Variants in SLCO3A1 observed in about 807,000 individuals in gnomAD.
SLCO3A1 encodes the protein solute carrier organic anion transporter family member 3A1.
A neutral mutation model predicts 63.1 loss-of-function variants in SLCO3A1; 27 were observed. The observed-to-expected ratio is 0.43, with a 90% CI of 0.32 to 0.59. The LOEUF is 0.59. SLCO3A1 is among the 20% of genes least tolerant of loss of function. The pLI is 0.09. For synonymous variants in SLCO3A1, 473 were observed against 409.9 expected, an observed-to-expected ratio of 1.15 and a Z score of -1.86; for missense variants, 773 against 945.8, an observed-to-expected ratio of 0.82 and a Z score of 2.40.
chr15:92,095,090 G>T, intron 3 of SLCO3A1, 111 bp downstream of exon 3: 1 of 590,078 alleles, frequency 1.7e-6, no homozygotes. Context: ...CAGTCTTGAT[G>T]CCCCTGCCTC....
At chr15:92,045,761 G>A (rs2387404) in intron 2 of SLCO3A1, among the ~76,000 whole-genome samples, 3 of 152,064 alleles carry the variant, frequency 2.0e-5, no homozygotes, top group East Asian at 1.9e-4. Flanking sequence ...GAGCTACTGC[G>A]GAGTGCCAGC....
chr15:92,097,582 G>A (rs1308706578), intron 3 of SLCO3A1, among the ~76,000 whole-genome samples: 2 of 152,240 alleles, frequency 1.3e-5, no homozygotes, highest in African/African-American at 2.4e-5. Flanking sequence ...CTGCATGGAT[G>A]TAAGGCAGGT....
intron 2 of SLCO3A1, among the ~76,000 whole-genome samples, chr15:92,093,851 G>A (rs190586252): frequency 6.6e-6 from 1 of 152,024 alleles, no homozygotes; most frequent in East Asian, 1.9e-4. Flanking sequence ...CCTCCACTGG[G>A]CTTAGGTTCC....
At chr15:91,997,304 G>A (rs576693532) in intron 2 of SLCO3A1, among the ~76,000 whole-genome samples, 1 of 152,306 alleles carries the variant, frequency 6.6e-6, no homozygotes, top group East Asian at 1.9e-4. Flanking sequence ...AACCGTGGAG[G>A]TGAAAGATCT....
intron 2 of SLCO3A1, among the ~76,000 whole-genome samples, chr15:92,004,642 A>G (rs1567062053): frequency 6.6e-6 from 1 of 152,166 alleles, no homozygotes; most frequent in African/African-American, 2.4e-5. Flanking sequence ...AAAATCTCCA[A>G]AGTGATTTGG....
chr15:91,970,166 C>G (rs1293685959), intron 2 of SLCO3A1, among the ~76,000 whole-genome samples: 2 of 152,208 alleles, frequency 1.3e-5, no homozygotes, highest in Admixed American at 6.5e-5. Context: ...CCACGCTGTT[C>G]AAAACACTTC....
At chr15:92,022,957 G>GAAGCCTGCAGTGCTACC in intron 2 of SLCO3A1, among the ~76,000 whole-genome samples, 1 of 152,176 alleles carries the variant, frequency 6.6e-6, no homozygotes, top group African/African-American at 2.4e-5. Flanking sequence ...GGGATTCTGG[G>GAAGCCTGCAGTGCTACC]TGTCAGAGTA....
Position 92,163,399 on chromosome 15 carries a change from C to T in SLCO3A1, c.*264C>T. On this transcript the variant is annotated 3_prime_UTR_variant, in exon 10 of 10. Transcript: ENST00000318445. ...GGCCACAGAGTCTACTTTGAAGGCACCTCATGGTTTTCAGGATGCTGACAG... is the reference window on the plus strand; with the variant it reads ...GGCCACAGAGTCTACTTTGAAGGCATCTCATGGTTTTCAGGATGCTGACAG... 2.7e-6 allele frequency: 3 copies of T among 1,111,732 alleles called. No homozygotes were observed. The highest frequency in any genetic ancestry group is 3.3e-6 in the Non-Finnish European group (3 of 912,522). The allele number at this position is 1,111,732 out of a possible 1,614,324, so 68.9% of individuals were successfully genotyped here.
rs141044159 is a variant in SLCO3A1 at position 92,033,332 on chromosome 15, C to T, written c.647-61549C>T. On this transcript the variant is annotated intron_variant, in intron 2 of 9. Coordinates refer to ENST00000318445, the MANE Select transcript of SLCO3A1 (RefSeq NM_013272.4). The surrounding 1 kb of genome is among the most constrained non-coding windows in gnomAD (Gnocchi z 4.5). ...TTAGTATTTCTGCCCTTTGGAGAGA[C>T]TTCTGCAACCCTCCTCTCCTCCAAG... Among the ~76,000 whole-genome samples, 21 of 152,320 alleles carry T rather than the reference C, an allele frequency of 1.4e-4. No homozygotes were observed. In the East Asian group the frequency reaches 4.1e-3, roughly 29 times the overall value.
Position 91,871,752 on chromosome 15 carries a change from TTG to T in SLCO3A1, c.180+17666_180+17667del, listed in dbSNP as rs1491207772. Among the ~76,000 whole-genome samples, 1,051 of 117,772 alleles carry T rather than the reference TTG, an allele frequency of 8.9e-3. 21 individuals are homozygous for T. The highest frequency in any genetic ancestry group is 0.037 in the African/African-American group (1,003 of 26,790). 77.3% of individuals were successfully genotyped at this position (117,772 alleles called of 152,430 possible). ...TTTATGACACTGGGGTGTGCTCATT[TTG>T]TTTTTTTTTGGTTTTTTTTTTTTTT... On this transcript the variant is annotated intron_variant, in intron 1 of 9. Transcript: ENST00000318445.
chr15:91,868,054 T>TA (rs1178000968), intron 1 of SLCO3A1, among the ~76,000 whole-genome samples: 6 of 151,936 alleles, frequency 3.9e-5, no homozygotes, highest in Non-Finnish European at 8.8e-5. Context: ...GCTTTTTTTT[T>TA]AAATTTTTTT....
At chr15:91,989,768 C>T (rs910171105) in intron 2 of SLCO3A1, among the ~76,000 whole-genome samples, 2 of 152,194 alleles carry the variant, frequency 1.3e-5, no homozygotes, top group African/African-American at 4.8e-5. Context: ...ATGAATATCA[C>T]AAAATAGTTA....
chr15:92,031,151 A>G (rs1412940444), intron 2 of SLCO3A1, among the ~76,000 whole-genome samples: 1 of 152,152 alleles, frequency 6.6e-6, no homozygotes, highest in East Asian at 1.9e-4. Context: ...GGTTCCAGAG[A>G]CCCACAGGAA....
rs1171043020 is a variant in SLCO3A1, at chr15:91,916,063, G to C, written c.251G>C (p.Ser84Thr). 4.3e-6 allele frequency: 7 copies of C among 1,613,324 alleles called. No individual in the cohort carries two copies. The highest frequency in any genetic ancestry group is 5.9e-6 in the Non-Finnish European group (7 of 1,179,986). The change falls in exon 2 of 10, where the codon AGC becomes ACC. Residue 84 changes from serine to threonine, a missense_variant. Transcript: ENST00000318445. The surrounding 1 kb of genome is among the most constrained non-coding windows in gnomAD (Gnocchi z 6.2). ...QSADVGVIAS[S>T]FEIGNLALIL... is the part of the protein sequence containing the mutation. ...GCTGACGTGGGTGTGATCGCTAGCA[G>C]CTTCGAGATCGGGAACCTGGCGCTC...
At chr15:92,040,224 AT>A (rs1468768258) in intron 2 of SLCO3A1, among the ~76,000 whole-genome samples, 2 of 152,220 alleles carry the variant, frequency 1.3e-5, no homozygotes, top group African/African-American at 4.8e-5. Context: ...AATTAAAAAA[AT>A]AAAGGGCGCA....
chr15:91,870,648 A>G (rs958067017), intron 1 of SLCO3A1, among the ~76,000 whole-genome samples: 19 of 152,214 alleles, frequency 1.2e-4, no homozygotes, highest in African/African-American at 4.3e-4. Context: ...TAAGGCACCA[A>G]TTGTCTGTAT....
At chr15:91,969,723 G>A (rs539495644) in intron 2 of SLCO3A1, among the ~76,000 whole-genome samples, 1 of 152,284 alleles carries the variant, frequency 6.6e-6, no homozygotes, top group African/African-American at 2.4e-5. Context: ...GTGCTCCCTT[G>A]TTGGGCCTGG....
rs191511283 is a variant in SLCO3A1 at position 91,883,167 on chromosome 15, A to G, written c.180+29079A>G. On this transcript the variant is annotated intron_variant, in intron 1 of 9. Coordinates refer to ENST00000318445, the MANE Select transcript of SLCO3A1 (RefSeq NM_013272.4). This position sits in a 1 kb window ranked among gnomAD's most constrained non-coding sequence, Gnocchi z 4.8. ...TCAGATGCTTTGAGGCTGGTGGATA[A>G]CAAAGTATCCCTCCTTCCCCTTTTT... Among the ~76,000 whole-genome samples, 41 of 152,336 alleles carry G rather than the reference A, an allele frequency of 2.7e-4. No homozygotes were observed. The highest frequency in any genetic ancestry group is 2.9e-5 in the Non-Finnish European group (2 of 68,032).
intron 2 of SLCO3A1, among the ~76,000 whole-genome samples, chr15:91,979,558 A>G (rs922409375): frequency 6.6e-6 from 1 of 152,154 alleles, no homozygotes; most frequent in African/African-American, 2.4e-5. Flanking sequence ...GGGTATGACC[A>G]TTTATCCACG....
Sources: allele counts gnomAD v4.1 joint callset (sites outside exome capture counted in the v4.1 genomes callset), GRCh38; gene constraint gnomAD v4.1.1; non-coding constraint Gnocchi (gnomAD v3.1); transcripts MANE v1.5; gene names NCBI Gene and HGNC (gene_info 2026-07-23, HGNC 2026-07-21).